NSD3: variants seen among roughly 807,000 people sequenced by gnomAD.
The protein encoded by NSD3 is nuclear receptor binding SET domain protein 3, also known as histone-lysine N-methyltransferase NSD3.
A neutral mutation model predicts 160.8 loss-of-function variants in NSD3; 24 were observed. The ratio of observed to expected loss-of-function variants is 0.15; its 90% confidence interval spans 0.11 to 0.21. NSD3 has a LOEUF of 0.21. NSD3 is among the 10% of genes least tolerant of loss of function. The pLI is 1.00. For synonymous variants in NSD3, 520 were observed against 600.0 expected, an observed-to-expected ratio of 0.87 and a Z score of 1.95; for missense variants, 1,157 against 1,735.9, an observed-to-expected ratio of 0.67 and a Z score of 5.93.
chr8:38,324,828 A>G (rs547411839), intron 7 of NSD3, among the ~76,000 whole-genome samples: 6 of 152,176 alleles, frequency 3.9e-5, no homozygotes, highest in Non-Finnish European at 8.8e-5. Context: ...TGCCTACATG[A>G]TAAAGCCTCC....
intron 22 of NSD3, among the ~76,000 whole-genome samples, chr8:38,277,025 T>TC (rs1808617821): frequency 1.3e-5 from 2 of 152,176 alleles, no homozygotes; most frequent in African/African-American, 4.8e-5. Context: ...CACTGCAACC[T>TC]CCACCTCTTG....
rs1165284416 is a variant in NSD3, at chr8:38,338,591, A to G, written c.692T>C (p.Val231Ala). 4 of 1,613,902 alleles carry G rather than the reference A, an allele frequency of 2.5e-6. No individual in the cohort carries two copies. Among genetic ancestry groups the G allele is most frequent in the Non-Finnish European group, 3.4e-6 (4 of 1,179,890 alleles). ...CCTTGGTTTTTCTGATACAGTGTCA[A>G]CCCTCTCATTTGGTCTCTAGGTGAA... ...PEEQNRPNERVDTVSEKPREE... is the reference protein window; with the variant it reads ...PEEQNRPNERADTVSEKPREE... Residue 231 changes from valine (V) to alanine (A), a missense_variant, in exon 3 of 24, where the codon GTT becomes GCT. Around this residue, in one of 10 missense-constraint regions of NSD3, gnomAD observed 99 missense variants for 151.8 expected, o/e 0.65. Coordinates refer to ENST00000317025, the MANE Select transcript of NSD3 (RefSeq NM_023034.2).
At chr8:38,378,140 T>C (rs1166837790) in intron 1 of NSD3, among the ~76,000 whole-genome samples, 1 of 152,138 alleles carries the variant, frequency 6.6e-6, no homozygotes, top group Admixed American at 6.5e-5. Flanking sequence ...AACTTTTTTT[T>C]TTTTTGAGAC....
At chr8:38,379,863 A>G (rs1811492814) in intron 1 of NSD3, among the ~76,000 whole-genome samples, 1 of 152,252 alleles carries the variant, frequency 6.6e-6, no homozygotes, top group Non-Finnish European at 1.5e-5. Context: ...ATTTAATCCA[A>G]TATGAAATAA....
chr8:38,343,893 ACT>A (rs1810447705), intron 2 of NSD3, among the ~76,000 whole-genome samples: 1 of 152,010 alleles, frequency 6.6e-6, no homozygotes, highest in Admixed American at 6.6e-5. Flanking sequence ...GGTTAATGAG[ACT>A]CTGCCTTAGT....
rs993754552 is a variant in NSD3, at chr8:38,304,668, T to C, written c.2530A>G (p.Ile844Val). ...TTGGAATGATTACTACAGATGAGAA[T>C]GTAGGAGGATACTAACATGCTTCCG... ...AAGSMLVSSY[I>V]LICSNHSKRS... Residue 844 changes from isoleucine to valine, a missense_variant, in exon 14 of 24, where the codon ATT (isoleucine) becomes GTT (valine). This residue lies in a region of NSD3 where 437 missense variants were observed against 576.6 expected (regional missense o/e 0.76). Coordinates refer to ENST00000317025, the MANE Select transcript of NSD3 (RefSeq NM_023034.2). The C allele has an allele frequency of 8.7e-6, 14 of 1,614,096 alleles. No individual in the cohort carries two copies. Among genetic ancestry groups the C allele is most frequent in the Middle Eastern group, 1.6e-4 (1 of 6,062 alleles).
chr8:38,348,060 T>A lies in NSD3; in HGVS notation c.112A>T (p.Ser38Cys), dbSNP rs1810579504. ...IRQEDAFDNN[S>C]DIAEDGGQTP... Reference sequence around the variant, plus strand: ...TGGCCACCATCTTCAGCAATGTCACTGTTGTTATCAAAGGCATCCTCCTGA... The same window carrying A: ...TGGCCACCATCTTCAGCAATGTCACAGTTGTTATCAAAGGCATCCTCCTGA... Residue 38 changes from serine (S) to cysteine (C), a missense_variant, in exon 2 of 24, where the codon AGT becomes TGT. Around this residue, in one of 10 missense-constraint regions of NSD3, gnomAD observed 121 missense variants for 177.2 expected, o/e 0.68. Transcript: ENST00000317025. The A allele has an allele frequency of 6.2e-7, 1 of 1,614,076 alleles. No homozygotes were observed. Among genetic ancestry groups the A allele is most frequent in the Non-Finnish European group, 8.5e-7 (1 of 1,180,040 alleles).
intron 1 of NSD3, among the ~76,000 whole-genome samples, chr8:38,379,148 G>GGACATA (rs1336256501): frequency 2.0e-5 from 3 of 152,008 alleles, no homozygotes; most frequent in Non-Finnish European, 4.4e-5. Flanking sequence ...GTGGGCTGAT[G>GGACATA]GACATATTAA....
chr8:38,380,526 G>A (rs999149382), intron 1 of NSD3: 1 of 152,210 alleles, frequency 6.6e-6, no homozygotes, highest in Non-Finnish European at 1.5e-5. Flanking sequence ...ATATGTAAGC[G>A]TAGTAATGAT....
rs1811486578 is a variant in NSD3 at position 38,379,565 on chromosome 8, CA to C, written c.-45+2233del. ...TGAATATTATCAAATTAAAATACTACAAGCTGAGAGGGTGCTTTTAGTGTAA... is the reference window on the plus strand; with the variant it reads ...TGAATATTATCAAATTAAAATACTACAGCTGAGAGGGTGCTTTTAGTGTAA... On this transcript the variant is annotated intron_variant, in intron 1 of 23. Coordinates refer to ENST00000317025, the MANE Select transcript of NSD3 (RefSeq NM_023034.2). Among the ~76,000 whole-genome samples, 4 of 152,162 alleles carry C rather than the reference CA, an allele frequency of 2.6e-5. No individual in the cohort carries two copies. The South Asian group carries it at 8.3e-4, about 32-fold the overall frequency.
At chr8:38,373,797 T>A (rs1005371693) in intron 1 of NSD3, among the ~76,000 whole-genome samples, 22 of 151,754 alleles carry the variant, frequency 1.4e-4, no homozygotes, top group Non-Finnish European at 1.0e-4. Context: ...TACAAAAAAA[T>A]TTTAAAAAAT....
intron 1 of NSD3, among the ~76,000 whole-genome samples, chr8:38,374,264 C>A (rs1811332060): frequency 6.6e-6 from 1 of 151,684 alleles, no homozygotes; most frequent in Non-Finnish European, 1.5e-5. Flanking sequence ...GGCAAGAGAG[C>A]AAGACCCTGT....
chr8:38,310,723 G>C (rs560390362), intron 12 of NSD3, among the ~76,000 whole-genome samples: 3 of 151,670 alleles, frequency 2.0e-5, no homozygotes, highest in South Asian at 4.2e-4. Flanking sequence ...TGTTGCCCAG[G>C]ATGGTCTTGA....
chr8:38,308,749 G>A (rs1046319847), intron 12 of NSD3, among the ~76,000 whole-genome samples: 6 of 152,186 alleles, frequency 3.9e-5, no homozygotes, highest in African/African-American at 9.7e-5. Context: ...CCAGGAGGTC[G>A]AGGCTGCAGT....
chr8:38,296,943 A>C (rs1239950873), intron 15 of NSD3, among the ~76,000 whole-genome samples: 1 of 152,162 alleles, frequency 6.6e-6, no homozygotes, highest in Non-Finnish European at 1.5e-5. Flanking sequence ...ATAACTGCCA[A>C]TCAGAGATTC....
Position 38,275,253 on chromosome 8 carries a change from A to C in NSD3, c.*388T>G. 1 of 260,120 alleles carries C rather than the reference A, an allele frequency of 3.8e-6. No homozygotes were observed. The highest frequency in any genetic ancestry group is 2.2e-5 in the African/African-American group (1 of 45,784). 16.1% of individuals were successfully genotyped at this position (260,120 alleles called of 1,614,324 possible). On this transcript the variant is annotated 3_prime_UTR_variant, in exon 24 of 24. Transcript: ENST00000317025. The stretch of plus-strand genomic sequence containing the variant: ...AAATTCCTAAAAATGAAAATAAATA[A>C]AGGAATGATGGCTACTTTTGCTTTA...
intron 4 of NSD3, among the ~76,000 whole-genome samples, chr8:38,334,714 C>T (rs183437525): frequency 1.1e-4 from 17 of 151,982 alleles, no homozygotes; most frequent in South Asian, 4.2e-4. Context: ...GAGCTGAGAT[C>T]GTGCTACTGC....
At chr8:38,378,258 C>T (rs996384295) in intron 1 of NSD3, among the ~76,000 whole-genome samples, 13 of 152,056 alleles carry the variant, frequency 8.5e-5, no homozygotes, top group South Asian at 6.2e-4. Flanking sequence ...GTAATTCCAG[C>T]ACTTTGGGAG....
intron 1 of NSD3, among the ~76,000 whole-genome samples, chr8:38,369,412 A>G (rs1201491082): frequency 1.3e-5 from 2 of 152,226 alleles, no homozygotes; most frequent in African/African-American, 4.8e-5. Flanking sequence ...CTCAACAATT[A>G]AGAAAAACTC....
Sources: allele counts gnomAD v4.1 joint callset (sites outside exome capture counted in the v4.1 genomes callset), GRCh38; gene constraint gnomAD v4.1.1; regional missense constraint gnomAD v4.1.1; transcripts MANE v1.5; gene names NCBI Gene and HGNC (gene_info 2026-07-23, HGNC 2026-07-21).